The following GRIA3 variants were observed in gnomAD, a reference collection of about 807,000 sequenced individuals.
GRIA3 encodes the protein glutamate ionotropic receptor AMPA type subunit 3, also known as glutamate receptor 3.
A neutral mutation model predicts 63.0 loss-of-function variants in GRIA3; 3 were observed. The observed-to-expected ratio is 0.05, with a 90% CI of 0.02 to 0.12. The LOEUF (loss-of-function observed/expected upper bound fraction) is 0.12, where lower values mean the gene tolerates loss of function less well. Among genes scored for constraint, GRIA3 ranks in the 10% least tolerant of loss-of-function variants. The pLI is 1.00. For missense variants in GRIA3, 347 were observed against 700.9 expected (o/e 0.50, Z 5.70); for synonymous variants, 274 against 257.9 (o/e 1.06, Z -0.60).
intron 4 of GRIA3, among the ~76,000 whole-genome samples, chrX:123,335,115 T>C (rs2147338545): frequency 9.0e-6 from 1 of 110,595 alleles, no homozygotes; most frequent in Admixed American, 9.8e-5. Flanking sequence ...TCCAGGCTGG[T>C]GACCATCATT....
rs183382878 is a variant in GRIA3 at position 123,210,894 on chromosome X, G to A, written c.268+24904G>A. Among the ~76,000 whole-genome samples the A allele has an allele frequency of 2.8e-3, 313 of 111,823 alleles. 2 individuals carry two copies. Among genetic ancestry groups the A allele is most frequent in the African/African-American group, 9.4e-3 (290 of 30,859 alleles). ...GTACATTCTAGAAGAATATCCTGTTGCTTATTATTAATACTAGTCTTTCAA... is the reference window on the plus strand; with the variant it reads ...GTACATTCTAGAAGAATATCCTGTTACTTATTATTAATACTAGTCTTTCAA... On this transcript the variant is annotated intron_variant, in intron 2 of 15. Transcript: ENST00000620443.
chrX:123,307,645 C>A (rs1028210946), intron 3 of GRIA3, among the ~76,000 whole-genome samples: 1 of 111,649 alleles, frequency 9.0e-6, no homozygotes, highest in Non-Finnish European at 1.9e-5. Context: ...ATCAGATGCC[C>A]AGGCAGATAG....
intron 3 of GRIA3, among the ~76,000 whole-genome samples, chrX:123,299,133 T>G (rs1269027271): frequency 1.8e-5 from 2 of 111,744 alleles, no homozygotes; most frequent in African/African-American, 6.5e-5. Flanking sequence ...TACTTTAGCC[T>G]TGTACTATAG....
At chrX:123,426,082 A>C (rs1187691636) in intron 11 of GRIA3, among the ~76,000 whole-genome samples, 1 of 111,388 alleles carries the variant, frequency 9.0e-6, no homozygotes, top group African/African-American at 3.3e-5. Context: ...GAGATATGCC[A>C]GGCTCCTACG....
rs1569393731 is a variant in GRIA3, at chrX:123,184,527, A to C, written c.-9A>C. 1 of 1,180,758 alleles carries C rather than the reference A, an allele frequency of 8.5e-7. No individual in the cohort carries two copies. The highest frequency in any genetic ancestry group is 3.0e-5 in the East Asian group (1 of 33,692). ...CCCATGCTCTTGTCAGCTTCGTTTT[A>C]GGCGTAGCATGGCCAGGCAGAAGAA... is the stretch of plus-strand genomic sequence containing the variant. On this transcript the variant is annotated 5_prime_UTR_variant, in exon 1 of 16. It removes the in-frame stop codon of an upstream open reading frame in the 5' UTR. Coordinates refer to ENST00000620443, the MANE Select transcript of GRIA3 (RefSeq NM_007325.5).
chrX:123,373,768 T>C (rs1421821106), intron 5 of GRIA3, among the ~76,000 whole-genome samples: 3 of 111,985 alleles, frequency 2.7e-5, no homozygotes, highest in Admixed American at 9.5e-5. Flanking sequence ...CTTTGTCAGA[T>C]GAGTAGATTG....
rs148819041 is a variant in GRIA3, at chrX:123,324,901, C to G, written c.509-1125C>G. ...GGGTGAGCCCGAAACAGCACAGAAC[C>G]TGGAATATGCTCAAAGGGCATCGCA... On this transcript the variant is annotated intron_variant, in intron 3 of 15. Coordinates refer to ENST00000620443, the MANE Select transcript of GRIA3 (RefSeq NM_007325.5). 3.9e-3 allele frequency among the ~76,000 whole-genome samples: 440 copies of G among 111,932 alleles called. 1 individual carries two copies. Among genetic ancestry groups the G allele is most frequent in the African/African-American group, 0.013 (399 of 30,820 alleles).
chrX:123,311,068 T>C (rs147008628), intron 3 of GRIA3, among the ~76,000 whole-genome samples: 1,311 of 109,688 alleles, frequency 0.012, 23 homozygotes, highest in African/African-American at 0.041. Flanking sequence ...ATTTATACAA[T>C]CCTTATGGGA....
At chrX:123,269,021 C>A (rs1254906532) in intron 3 of GRIA3, among the ~76,000 whole-genome samples, 1 of 112,061 alleles carries the variant, frequency 8.9e-6, no homozygotes, top group Non-Finnish European at 1.9e-5. Context: ...CACGCAGTCA[C>A]AGTGCTTTGT....
At chrX:123,298,888 C>T (rs1239482539) in intron 3 of GRIA3, among the ~76,000 whole-genome samples, 1 of 110,760 alleles carries the variant, frequency 9.0e-6, no homozygotes, top group Non-Finnish European at 1.9e-5. Flanking sequence ...GTCTTTTTTT[C>T]ATCTTGAGTT....
At chrX:123,393,958 G>T (rs1279488435) in intron 5 of GRIA3, among the ~76,000 whole-genome samples, 2 of 112,284 alleles carry the variant, frequency 1.8e-5, no homozygotes, top group Non-Finnish European at 3.8e-5. Context: ...AATGGAGCTG[G>T]CAGAGCTCAC....
At chrX:123,380,399 G>C (rs1217514370) in intron 5 of GRIA3, among the ~76,000 whole-genome samples, 3 of 108,464 alleles carry the variant, frequency 2.8e-5, no homozygotes, top group Admixed American at 9.8e-5. Context: ...GGCCAGTGAT[G>C]ATGAGCATTT....
chrX:123,379,031 C>A (rs1482855756), intron 5 of GRIA3, among the ~76,000 whole-genome samples: 1 of 110,069 alleles, frequency 9.1e-6, no homozygotes, highest in Non-Finnish European at 1.9e-5. Flanking sequence ...TGCATTAATC[C>A]CACCTCAAGG....
At chrX:123,448,380 T>G (rs1361264493) in intron 12 of GRIA3, among the ~76,000 whole-genome samples, 5 of 111,657 alleles carry the variant, frequency 4.5e-5, no homozygotes, top group Admixed American at 1.9e-4. Flanking sequence ...CCTACCCCCC[T>G]GTCTCTCAAC....
rs1347770950 is a variant in GRIA3 at position 123,490,286 on chromosome X, T to C, written c.*1576T>C. The C allele has an allele frequency of 8.9e-6, 1 of 112,983 alleles. No individual in the cohort carries two copies. The highest frequency in any genetic ancestry group is 3.2e-5 in the African/African-American group (1 of 31,019). The allele number at this position is 112,983 out of a possible 1,213,427, so 9.3% of individuals were successfully genotyped here. A position where few individuals can be genotyped will look rare whatever the true frequency, so the allele number is the denominator to read the frequency against. On this transcript the variant is annotated 3_prime_UTR_variant, in exon 16 of 16. Transcript: ENST00000620443. ...AGGAAGAAGTATCGTTCCAACGAAATGTTTCCAGAAAAGTGTACTATAAAC... is the reference window on the plus strand; with the variant it reads ...AGGAAGAAGTATCGTTCCAACGAAACGTTTCCAGAAAAGTGTACTATAAAC...
intron 11 of GRIA3, among the ~76,000 whole-genome samples, chrX:123,418,187 C>G (rs1055966051): frequency 9.0e-6 from 1 of 111,711 alleles, no homozygotes; most frequent in Non-Finnish European, 1.9e-5. Context: ...ACATAGAACT[C>G]TTCTTTAAAT....
intron 1 of GRIA3, among the ~76,000 whole-genome samples, chrX:123,185,181 G>A (rs181817814): frequency 0.015 from 1,669 of 111,644 alleles, 14 homozygotes; most frequent in Non-Finnish European, 0.022. Flanking sequence ...GGCGTTGGTG[G>A]TGGATGGGGT....
intron 4 of GRIA3, among the ~76,000 whole-genome samples, chrX:123,346,041 A>G (rs2045047452): frequency 8.9e-6 from 1 of 111,782 alleles, no homozygotes; most frequent in South Asian, 3.8e-4. Context: ...AATAGGTACT[A>G]ATGGTAGACC....
chrX:123,469,001 A>G, intron 13 of GRIA3, among the ~76,000 whole-genome samples: 1 of 112,790 alleles, frequency 8.9e-6, no homozygotes, highest in Middle Eastern at 4.6e-3. Flanking sequence ...ATGTTTCCAT[A>G]AGAATCAGGT....
Sources: allele counts gnomAD v4.1 joint callset (sites outside exome capture counted in the v4.1 genomes callset), GRCh38; gene constraint gnomAD v4.1.1; transcripts MANE v1.5; gene names NCBI Gene and HGNC (gene_info 2026-07-23, HGNC 2026-07-21).